Variants in HECW1 observed in about 807,000 individuals in gnomAD.
HECW1 encodes the protein HECT, C2 and WW domain containing E3 ubiquitin protein ligase 1, also known as E3 ubiquitin-protein ligase HECW1.
In HECW1, 61 loss-of-function variants were observed where a neutral mutation model predicts 182.3. The observed-to-expected ratio is 0.33, with a 90% confidence interval of 0.27 to 0.41. The LOEUF is 0.41. HECW1 is among the 10% of genes least tolerant of loss of function. The pLI, the probability that HECW1 is intolerant of heterozygous loss-of-function variation, is 1.00. For missense variants in HECW1, 1,739 were observed against 2,108.9 expected (o/e 0.82, Z 3.44); for synonymous variants, 859 against 832.6 (o/e 1.03, Z -0.55).
intron 26 of HECW1, among the ~76,000 whole-genome samples, chr7:43,549,837 T>C (rs1228373549): frequency 6.6e-6 from 1 of 152,162 alleles, no homozygotes; most frequent in Non-Finnish European, 1.5e-5. Flanking sequence ...TCATTGAGAT[T>C]TGGGGGCATC....
chr7:43,213,036 G>A (rs1017936519), intron 2 of HECW1, among the ~76,000 whole-genome samples: 7 of 151,668 alleles, frequency 4.6e-5, no homozygotes, highest in African/African-American at 1.5e-4. Context: ...AAAGCGTAAT[G>A]AAATTAGTAA....
At chr7:43,404,143 G>A (rs1032249371) in intron 7 of HECW1, among the ~76,000 whole-genome samples, 2 of 152,212 alleles carry the variant, frequency 1.3e-5, no homozygotes, top group African/African-American at 4.8e-5. Flanking sequence ...TACCAGTCCA[G>A]TGCCTTTTAA....
chr7:43,520,168 C>G (rs1317216205), intron 24 of HECW1, among the ~76,000 whole-genome samples: 1 of 152,206 alleles, frequency 6.6e-6, no homozygotes, highest in Non-Finnish European at 1.5e-5. Flanking sequence ...GTTCTACAAA[C>G]TGTTCTACAC....
At chr7:43,558,057 G>A (rs2082089752) in intron 29 of HECW1, among the ~76,000 whole-genome samples, 1 of 152,206 alleles carries the variant, frequency 6.6e-6, no homozygotes, top group South Asian at 2.1e-4. Flanking sequence ...GTGTGGGGCA[G>A]TGAGCAATTT....
intron 3 of HECW1, among the ~76,000 whole-genome samples, chr7:43,293,247 G>GAA (rs375166174): frequency 6.8e-6 from 1 of 147,552 alleles, no homozygotes; most frequent in African/African-American, 2.5e-5. Context: ...GAAAAGAAAA[G>GAA]AAAAAAAAGA....
At chr7:43,272,618 A>G (rs1802548488) in intron 3 of HECW1, among the ~76,000 whole-genome samples, 1 of 152,174 alleles carries the variant, frequency 6.6e-6, no homozygotes, top group African/African-American at 2.4e-5. Flanking sequence ...TCAAAACCAG[A>G]ATGAGATACC....
rs545547082 is a variant in HECW1, at chr7:43,203,419, C to T, written c.-31-40456C>T. Among the ~76,000 whole-genome samples the T allele has an allele frequency of 2.6e-5, 4 of 152,040 alleles. No individual in the cohort carries two copies. In the East Asian group the frequency reaches 7.7e-4, roughly 29 times the overall value. On this transcript the variant is annotated intron_variant, in intron 2 of 29. Transcript: ENST00000395891. ...TAATTCCTGGAGTGAGATTACTGAA[C>T]AAAGGATAAGGATATTTTTTGTTTC...
Position 43,501,282 on chromosome 7 carries a change from T to C in HECW1, c.3591T>C (p.Ser1197=). The change falls in exon 21 of 30, where the codon TCT becomes TCC. Residue 1197 remains serine (S), a synonymous_variant. Coordinates refer to ENST00000395891, the MANE Select transcript of HECW1 (RefSeq NM_015052.5). ...CCTTCCACCCTGGGTATAGCTTCTC[T>C]CCCCGATGTTCACCCTGTTCTTCAC... ...QAAFHPGYSF[S]PRCSPCSSPQ... is the part of the protein sequence containing the mutation. 1 of 1,607,958 alleles carries C rather than the reference T, an allele frequency of 6.2e-7. No homozygotes were observed. The highest frequency in any genetic ancestry group is 1.1e-5 in the South Asian group (1 of 90,800).
intron 2 of HECW1, among the ~76,000 whole-genome samples, chr7:43,215,302 G>GA (rs1246626711): frequency 6.6e-6 from 1 of 152,244 alleles, no homozygotes; most frequent in East Asian, 1.9e-4. Context: ...CAGAGAGGCT[G>GA]AAAGCAGTGC....
chr7:43,312,123 C>T (rs1357374353), intron 4 of HECW1, 36 bp downstream of exon 4: 3 of 1,534,992 alleles, frequency 2.0e-6, no homozygotes, highest in African/African-American at 1.4e-5. Context: ...ATTCATAATT[C>T]ACTTTTACAT....
At chr7:43,168,210 T>C (rs1327551559) in intron 2 of HECW1, among the ~76,000 whole-genome samples, 2 of 152,192 alleles carry the variant, frequency 1.3e-5, no homozygotes, top group African/African-American at 4.8e-5. Flanking sequence ...TTATGAGTGT[T>C]GAATCATGGG....
chr7:43,353,921 A>T (rs1814773262), intron 5 of HECW1, among the ~76,000 whole-genome samples: 1 of 152,214 alleles, frequency 6.6e-6, no homozygotes, highest in Non-Finnish European at 1.5e-5. Context: ...GTGAGTGTTC[A>T]GCAGCACCAT....
At chr7:43,416,004 C>G (rs1252782925) in intron 8 of HECW1, among the ~76,000 whole-genome samples, 1 of 149,370 alleles carries the variant, frequency 6.7e-6, no homozygotes, top group Non-Finnish European at 1.5e-5. Flanking sequence ...GTAATTTGAT[C>G]GTCTGAAGCC....
intron 8 of HECW1, among the ~76,000 whole-genome samples, chr7:43,433,373 AC>A (rs1400355905): frequency 6.6e-6 from 1 of 152,190 alleles, no homozygotes; most frequent in East Asian, 1.9e-4. Flanking sequence ...TAAGCTTTAA[AC>A]ACTACCAGTG....
At chr7:43,258,768 TG>T (rs1411160782) in intron 3 of HECW1, 2 of 152,158 alleles carry the variant, frequency 1.3e-5, no homozygotes, top group East Asian at 3.8e-4. Flanking sequence ...CGTTTTTGGT[TG>T]GCAAAAAGAG....
At chr7:43,335,559 C>A (rs1327618556) in intron 5 of HECW1, among the ~76,000 whole-genome samples, 1 of 152,218 alleles carries the variant, frequency 6.6e-6, no homozygotes, top group Admixed American at 6.5e-5. Context: ...AACTTTCCAG[C>A]CTTCAGAACT....
intron 24 of HECW1, among the ~76,000 whole-genome samples, chr7:43,529,181 G>A (rs1358798913): frequency 6.6e-6 from 1 of 151,920 alleles, no homozygotes; most frequent in Admixed American, 6.6e-5. Context: ...TACAGCCGGC[G>A]TTCCCACCTC....
At chr7:43,514,300 TC>T (rs2080026401) in intron 24 of HECW1, among the ~76,000 whole-genome samples, 2 of 138,662 alleles carry the variant, frequency 1.4e-5, no homozygotes, top group African/African-American at 5.2e-5. Context: ...TCTTTTCTTT[TC>T]TTTTTTTTTT....
chr7:43,221,126 ATTAC>A (rs1796901653), intron 2 of HECW1, among the ~76,000 whole-genome samples: 1 of 152,178 alleles, frequency 6.6e-6, no homozygotes, highest in African/African-American at 2.4e-5. Context: ...GACAGTACAT[ATTAC>A]TTTTGTTACT....
Sources: allele counts gnomAD v4.1 joint callset (sites outside exome capture counted in the v4.1 genomes callset), GRCh38; gene constraint gnomAD v4.1.1; transcripts MANE v1.5; gene names NCBI Gene and HGNC (gene_info 2026-07-23, HGNC 2026-07-21).